Variants in FHIP1B observed in about 807,000 individuals in gnomAD.
The protein encoded by FHIP1B is FHF complex subunit HOOK-interacting protein 1B.
FHIP1B carries 28 observed loss-of-function variants against 82.2 expected under a neutral mutation model. The ratio of observed to expected loss-of-function variants is 0.34; its 90% CI spans 0.25 to 0.47. The LOEUF is 0.47. Among genes scored for constraint, FHIP1B ranks in the 20% least tolerant of loss-of-function variants. The pLI, the probability that FHIP1B is intolerant of heterozygous loss-of-function variation, is 1.00. For missense variants in FHIP1B, 1,110 were observed against 1,262.6 expected (o/e 0.88, Z 1.83); for synonymous variants, 585 against 516.1 (o/e 1.13, Z -1.81).
intron 1 of FHIP1B, among the ~76,000 whole-genome samples, chr11:6,229,557 T>A (rs941038468): frequency 1.3e-5 from 2 of 152,158 alleles, no homozygotes; most frequent in African/African-American, 4.8e-5. Context: ...CTCAGTAAGG[T>A]CTTAACATGT....
At chr11:6,221,850 G>A (rs1847416900) in intron 6 of FHIP1B, among the ~76,000 whole-genome samples, 1 of 152,138 alleles carries the variant, frequency 6.6e-6, no homozygotes, top group African/African-American at 2.4e-5. Context: ...TACAAAGTAA[G>A]CTCCATGAAG....
chr11:6,224,542 C>G lies in FHIP1B; in HGVS notation c.-26G>C, dbSNP rs774821116. 6.3e-7 allele frequency: 1 copy of G among 1,589,168 alleles called. No individual in the cohort carries two copies. Among genetic ancestry groups the G allele is most frequent in the Admixed American group, 1.8e-5 (1 of 55,992 alleles). On this transcript the variant is annotated 5_prime_UTR_variant, in exon 2 of 12. Coordinates refer to ENST00000449352, the MANE Select transcript of FHIP1B (RefSeq NM_001098794.2). ...GAGGCAGGCTGGGCAGGACTGGCAG[C>G]CAGAGGCCTACACTCTGAGGATTTG...
Position 6,222,886 on chromosome 11 carries a change from G to A in FHIP1B, c.948C>T (p.Pro316=). The A allele has an allele frequency of 6.2e-7, 1 of 1,614,116 alleles. No individual in the cohort carries two copies. Among genetic ancestry groups the A allele is most frequent in the African/African-American group, 1.3e-5 (1 of 75,016 alleles). ...FCNAVIQVAH[P]LVQKQLVDYI... ...AATCAACCAACTGCTTCTGCACCAGGGGGTGAGCCACCTGTAGGAGTGCCA... is the reference window on the plus strand; with the variant it reads ...AATCAACCAACTGCTTCTGCACCAGAGGGTGAGCCACCTGTAGGAGTGCCA... Residue 316 remains proline, a synonymous_variant, in exon 5 of 12, where the codon CCC becomes CCT. Coordinates refer to ENST00000449352, the MANE Select transcript of FHIP1B (RefSeq NM_001098794.2).
chr11:6,228,791 G>A (rs406752), intron 1 of FHIP1B, among the ~76,000 whole-genome samples: 113,987 of 151,960 alleles, frequency 0.75, 43,597 homozygotes, highest in East Asian at 0.96. Flanking sequence ...AATCATTAAC[G>A]CAGCAACAAA....
chr11:6,234,188 G>A (rs1021649164), intron 1 of FHIP1B, among the ~76,000 whole-genome samples: 3 of 151,584 alleles, frequency 2.0e-5, no homozygotes, highest in Non-Finnish European at 4.4e-5. Context: ...CCAATTTGCC[G>A]CCACCCCGCA....
Position 6,211,542 on chromosome 11 carries a change from G to A in FHIP1B, c.2883C>T (p.Gly961=), listed in dbSNP as rs1847072947. The A allele has an allele frequency of 6.2e-7, 1 of 1,612,238 alleles. No homozygotes were observed. Among genetic ancestry groups the A allele is most frequent in the Non-Finnish European group, 8.5e-7 (1 of 1,179,106 alleles). ...FLLETSEEGS[G]PLISGCGPLN... ...GGGGCCCACAGCCTGAGATGAGAGG[G>A]CCAGATCCTTCCTCTGAAGTCTCCA... Residue 961 remains glycine, a synonymous_variant, in exon 12 of 12, where the codon GGC becomes GGT. Coordinates refer to ENST00000449352, the MANE Select transcript of FHIP1B (RefSeq NM_001098794.2).
At chr11:6,221,809 C>A (rs1410251737) in intron 6 of FHIP1B, among the ~76,000 whole-genome samples, 1 of 152,176 alleles carries the variant, frequency 6.6e-6, no homozygotes, top group East Asian at 1.9e-4. Flanking sequence ...CTGACCACAA[C>A]TTATTAATGT....
intron 6 of FHIP1B, among the ~76,000 whole-genome samples, chr11:6,222,001 T>C (rs1228875262): frequency 6.6e-6 from 1 of 152,082 alleles, no homozygotes; most frequent in Non-Finnish European, 1.5e-5. Flanking sequence ...CAAGCTATAG[T>C]TCAAAAGCAG....
Position 6,218,973 on chromosome 11 carries a change from G to A in FHIP1B, c.1269C>T (p.Leu423=), listed in dbSNP as rs1454557975. The A allele has an allele frequency of 1.2e-6, 2 of 1,613,988 alleles. No homozygotes were observed. Among genetic ancestry groups the A allele is most frequent in the Non-Finnish European group, 1.7e-6 (2 of 1,179,928 alleles). Residue 423 remains leucine, a splice_region_variant and synonymous_variant, in exon 7 of 12, where the codon CTC becomes CTT. Coordinates refer to ENST00000449352, the MANE Select transcript of FHIP1B (RefSeq NM_001098794.2). ...CTCAGCCCTGCCCCAACAGATACCTGAGAACCAGCTGCAGCAGGACATCCT... is the reference window on the plus strand; with the variant it reads ...CTCAGCCCTGCCCCAACAGATACCTAAGAACCAGCTGCAGCAGGACATCCT... The part of the protein sequence containing the change: ...SCEDVLLQLV[L]RYLVPCNHVM...
Position 6,211,859 on chromosome 11 carries a change from G to C in FHIP1B, c.2566C>G (p.Arg856Gly), listed in dbSNP as rs780864141. The C allele has an allele frequency of 1.8e-5, 28 of 1,565,318 alleles. No individual in the cohort carries two copies. Among genetic ancestry groups the C allele is most frequent in the Non-Finnish European group, 2.3e-5 (27 of 1,158,798 alleles). ...PRRSDPLVKS[R>G]RPSLGELLLR... is the part of the protein sequence containing the mutation. ...AGTAACTCCCCCAAGGATGGCCTCC[G>C]GCTCTTCACTGGGAATAAACAGGGG... Residue 856 changes from arginine (R) to glycine (G), a missense_variant, in exon 12 of 12, where the codon CGG (arginine) becomes GGG (glycine). Physicochemically the swap from Arg to Gly is moderately radical, Grantham distance 125. This residue lies in a region of FHIP1B where 147 missense variants were observed against 154.0 expected (regional missense o/e 0.95). Transcript: ENST00000449352.
At chr11:6,229,214 G>C (rs944897390) in intron 1 of FHIP1B, among the ~76,000 whole-genome samples, 1 of 152,132 alleles carries the variant, frequency 6.6e-6, no homozygotes, top group African/African-American at 2.4e-5. Flanking sequence ...GTCCCTCAAT[G>C]GTTTGAATCC....
chr11:6,211,597 TG>T lies in FHIP1B; in HGVS notation c.2827del (p.Gln943ArgfsTer47). 1 of 1,614,234 alleles carries T rather than the reference TG, an allele frequency of 6.2e-7. No homozygotes were observed. Among genetic ancestry groups the T allele is most frequent in the Non-Finnish European group, 8.5e-7 (1 of 1,180,046 alleles). On this transcript the variant is annotated frameshift_variant, in exon 12 of 12. Transcript: ENST00000449352. LOFTEE classifies it high-confidence loss of function. ...EFLKELAAISQAHAVTSPFLL... is the reference protein window; with the variant it reads ...EFLKELAAISXAHAVTSPFLL... ...GAAAGGCGAGGTGACGGCATGAGCC[TG>T]GGAGATGGCAGCCAACTCCTTGAGA...
In FHIP1B at chr11:6,217,655, T is replaced by C; in HGVS notation, c.1931A>G (p.Glu644Gly). 5 of 1,613,778 alleles carry C rather than the reference T, an allele frequency of 3.1e-6. No individual in the cohort carries two copies. The highest frequency in any genetic ancestry group is 4.2e-6 in the Non-Finnish European group (5 of 1,179,956). Residue 644 changes from glutamate to glycine, a missense_variant, in exon 9 of 12, where the codon GAG becomes GGG. By Grantham distance (98) the Glu-to-Gly change is moderately conservative. Transcript: ENST00000449352. ...QLNGVPGSWPEGAKKVRLVPK... is the reference protein window; with the variant it reads ...QLNGVPGSWPGGAKKVRLVPK... ...CACCAGACGAACCTTCTTGGCCCCCTCAGGCCATGATCCTGGCACTCCATT... is the reference window on the plus strand; with the variant it reads ...CACCAGACGAACCTTCTTGGCCCCCCCAGGCCATGATCCTGGCACTCCATT...
intron 9 of FHIP1B, 45 bp downstream of exon 9, chr11:6,217,326 A>G: frequency 6.4e-7 from 1 of 1,555,728 alleles, no homozygotes; most frequent in Non-Finnish European, 8.9e-7. Context: ...TGTCGAGAAC[A>G]TGCAAAGAGT....
intron 1 of FHIP1B, among the ~76,000 whole-genome samples, chr11:6,227,275 C>T (rs559723484): frequency 1.3e-5 from 2 of 152,352 alleles, no homozygotes; most frequent in East Asian, 3.9e-4. Context: ...TTATTATCCA[C>T]ATTTTACATA....
rs1426404127 is a variant in FHIP1B at position 6,218,772 on chromosome 11, G to A, written c.1272-9C>T. ...TACATGGAACAAGATACCTGAGAAA[G>A]ACATCAGAAAGGGGACACAGGGTAG... is the stretch of plus-strand genomic sequence containing the variant. On this transcript the variant is annotated splice_polypyrimidine_tract_variant and intron_variant, in intron 7 of 11. Transcript: ENST00000449352. The A allele has an allele frequency of 6.2e-7, 1 of 1,614,100 alleles. No homozygotes were observed. The highest frequency in any genetic ancestry group is 1.7e-5 in the Admixed American group (1 of 60,024).
rs562116597 is a variant in FHIP1B, at chr11:6,222,657, A to T, written c.1024-48T>A. The T allele has an allele frequency of 3.8e-6, 6 of 1,592,940 alleles. No homozygotes were observed. The East Asian group carries it at 1.3e-4, about 36-fold the overall frequency. On this transcript the variant is annotated intron_variant, in intron 5 of 11. Coordinates refer to ENST00000449352, the MANE Select transcript of FHIP1B (RefSeq NM_001098794.2). ...CTGGAAATGCACAGCTTCCCTGCAC[A>T]TACAGGGCCATTTTCCCTGGATTCT... is the stretch of plus-strand genomic sequence containing the variant.
In FHIP1B at chr11:6,218,049, C is replaced by T. The variant is rs1299612344; in HGVS notation, c.1537G>A (p.Gly513Ser). Reference protein sequence around the residue: ...ALFLRQQSLGGSESPGPAPCS... With the variant: ...ALFLRQQSLGSSESPGPAPCS... The stretch of plus-strand genomic sequence containing the variant: ...GGGGCTGGGCCTGGAGACTCAGAGC[C>T]ACCCAGGCTCTGCTGCCGCAGGAAG... The change falls in exon 9 of 12, where the codon GGC (glycine) becomes AGC (serine). Residue 513 changes from glycine (G) to serine (S), a missense_variant. Around this residue, in one of 6 missense-constraint regions of FHIP1B, gnomAD observed 418 missense variants for 371.4 expected, o/e 1.13. Coordinates refer to ENST00000449352, the MANE Select transcript of FHIP1B (RefSeq NM_001098794.2). 1.2e-6 allele frequency: 2 copies of T among 1,613,438 alleles called. No individual in the cohort carries two copies. Among genetic ancestry groups the T allele is most frequent in the Admixed American group, 1.7e-5 (1 of 59,968 alleles).
intron 10 of FHIP1B, 32 bp downstream of exon 10, chr11:6,214,701 T>C: frequency 6.5e-7 from 1 of 1,549,026 alleles, no homozygotes; most frequent in South Asian, 1.2e-5. Context: ...CCACGGAGCC[T>C]GGACGCACCC....
Sources: allele counts gnomAD v4.1 joint callset (sites outside exome capture counted in the v4.1 genomes callset), GRCh38; gene constraint gnomAD v4.1.1; regional missense constraint gnomAD v4.1.1; transcripts MANE v1.5; gene names NCBI Gene and HGNC (gene_info 2026-07-23, HGNC 2026-07-21).